PTPRF: variants seen among roughly 807,000 people sequenced by gnomAD.
The protein encoded by PTPRF is protein tyrosine phosphatase receptor type F.
Under a neutral mutation model 201.8 loss-of-function variants are expected in PTPRF, and 59 were observed. That is an observed-to-expected ratio of 0.29 (90% confidence interval 0.24 to 0.36). PTPRF has a LOEUF of 0.36. PTPRF is among the 10% of genes least tolerant of loss of function. The pLI, the probability that PTPRF is intolerant of heterozygous loss-of-function variation, is 1.00. For missense variants in PTPRF, 2,132 were observed against 2,690.5 expected (o/e 0.79, Z 4.59); for synonymous variants, 1,088 against 1,089.7 (o/e 1.00, Z 0.03).
chr1:43,542,887 G>C lies in PTPRF; in HGVS notation c.-45-2144G>C, dbSNP rs984280723. Among the ~76,000 whole-genome samples, 1 of 152,132 alleles carries C rather than the reference G, an allele frequency of 6.6e-6. No individual in the cohort carries two copies. The highest frequency in any genetic ancestry group is 2.4e-5 in the African/African-American group (1 of 41,428). On this transcript the variant is annotated intron_variant, in intron 2 of 33. Transcript: ENST00000359947. This position sits in a 1 kb window ranked among gnomAD's most constrained non-coding sequence, Gnocchi z 5.2. ...CTATATCCCATGATGACGGTGCTGT[G>C]CATTTTATTTTCATAGCAGGGAGAT...
chr1:43,597,749 C>G lies in PTPRF; in HGVS notation c.1815C>G (p.Thr605=), dbSNP rs138765939. Residue 605 remains threonine, a splice_region_variant and synonymous_variant, in exon 12 of 34, where the codon ACC becomes ACG. Transcript: ENST00000359947. ...PTIEARTAQS[T]PSAPPQKVMC... is the part of the protein sequence containing the mutation. Reference sequence around the variant, plus strand: ...TTCCCCCCCATTTGTCTTCCCCAGCCCCCTCCGCCCCTCCCCAGAAGGTGA... The same window carrying G: ...TTCCCCCCCATTTGTCTTCCCCAGCGCCCTCCGCCCCTCCCCAGAAGGTGA... 6.4e-7 allele frequency: 1 copy of G among 1,568,210 alleles called. No individual in the cohort carries two copies. Among genetic ancestry groups the G allele is most frequent in the Non-Finnish European group, 8.7e-7 (1 of 1,152,316 alleles).
At position 43,545,459 on chromosome 1, in the gene PTPRF, T is replaced by C. The variant is rs375783599; in HGVS notation, c.91+293T>C. On this transcript the variant is annotated intron_variant, in intron 3 of 33. Coordinates refer to ENST00000359947, the MANE Select transcript of PTPRF (RefSeq NM_002840.5). ...ATGTGGTCATTGTGTGATGTGCGCG[T>C]GTGTGTGCTGTGTGCACTGTTGCAG... Among the ~76,000 whole-genome samples, 17 of 152,112 alleles carry C rather than the reference T, an allele frequency of 1.1e-4. No homozygotes were observed. In the East Asian group the frequency reaches 1.4e-3, roughly 12 times the overall value.
rs766148161 is a variant in PTPRF, at chr1:43,606,310, C to T, written c.3554C>T (p.Pro1185Leu). Residue 1185 changes from proline (P) to leucine (L), a missense_variant, in exon 20 of 34, where the codon CCA becomes CTA. Pro to Leu is a moderately conservative substitution (Grantham distance 98, BLOSUM62 -3). This residue lies in a region of PTPRF where 818 missense variants were observed against 915.3 expected (regional missense o/e 0.89). Coordinates refer to ENST00000359947, the MANE Select transcript of PTPRF (RefSeq NM_002840.5). ...RRRRQAERLK[P>L]YVAAQLDVLP... Reference sequence around the variant, plus strand: ...CGGCGGCAGGCAGAACGTCTGAAGCCATATGTGGCTGCTCAACTGGATGTG... The same window carrying T: ...CGGCGGCAGGCAGAACGTCTGAAGCTATATGTGGCTGCTCAACTGGATGTG... The T allele has an allele frequency of 6.2e-7, 1 of 1,614,148 alleles. No homozygotes were observed. Among genetic ancestry groups the T allele is most frequent in the Non-Finnish European group, 8.5e-7 (1 of 1,180,032 alleles).
At chr1:43,580,242 G>C (rs1233412125) in intron 7 of PTPRF, among the ~76,000 whole-genome samples, 2 of 152,098 alleles carry the variant, frequency 1.3e-5, no homozygotes, top group East Asian at 3.9e-4. Flanking sequence ...CCGACTCTTT[G>C]GGGCCATGTG....
At chr1:43,529,765 G>A (rs1245811298), upstream of PTPRF, among the ~76,000 whole-genome samples, 1 of 152,164 alleles carries the variant, frequency 6.6e-6, no homozygotes, top group Non-Finnish European at 1.5e-5. Flanking sequence ...AAATCCCTCT[G>A]ATCAGTAGGT....
Position 43,591,067 on chromosome 1 carries a change from T to C in PTPRF, c.1045T>C (p.Tyr349His), listed in dbSNP as rs1292708024. The change falls in exon 9 of 34, where the codon TAC (tyrosine) becomes CAC (histidine). Residue 349 changes from tyrosine (Y) to histidine (H), a missense_variant. By Grantham distance (83) the Tyr-to-His change is moderately conservative. Around this residue, in one of 6 missense-constraint regions of PTPRF, gnomAD observed 351 missense variants for 401.7 expected, o/e 0.87. Coordinates refer to ENST00000359947, the MANE Select transcript of PTPRF (RefSeq NM_002840.5). ...WDSGNSEPVT[Y>H]YGIQYRAAGT... Reference sequence around the variant, plus strand: ...CTCTGGGAACTCGGAGCCTGTAACCTACTATGGCATCCAGTACCGCGCAGC... The same window carrying C: ...CTCTGGGAACTCGGAGCCTGTAACCCACTATGGCATCCAGTACCGCGCAGC... 1.2e-6 allele frequency: 2 copies of C among 1,614,004 alleles called. No homozygotes were observed. The highest frequency in any genetic ancestry group is 1.7e-6 in the Non-Finnish European group (2 of 1,180,036).
chr1:43,569,467 C>G (rs1646422468), intron 5 of PTPRF, 123 bp from the exon 6 acceptor site: 2 of 972,338 alleles, frequency 2.1e-6, no homozygotes, highest in Admixed American at 5.2e-5. Flanking sequence ...GCTTAGAAGT[C>G]AAGGAAAGGG....
chr1:43,549,253 T>A (rs954303024), intron 3 of PTPRF, among the ~76,000 whole-genome samples: 1 of 152,192 alleles, frequency 6.6e-6, no homozygotes, highest in South Asian at 2.1e-4. Flanking sequence ...ACACCAGCTG[T>A]GGGTCAGGCA....
chr1:43,563,401 CAAA>C, intron 5 of PTPRF, among the ~76,000 whole-genome samples: 1 of 152,106 alleles, frequency 6.6e-6, no homozygotes, highest in African/African-American at 2.4e-5. Context: ...AGGGAGGTGT[CAAA>C]GAGGCCTCGT....
At chr1:43,536,144 G>A (rs1643991413) in intron 1 of PTPRF, among the ~76,000 whole-genome samples, 1 of 152,182 alleles carries the variant, frequency 6.6e-6, no homozygotes, top group South Asian at 2.1e-4. Flanking sequence ...CCTTCCAGAT[G>A]TCAGCTCTGG....
At chr1:43,565,499 T>C (rs1399012139) in intron 5 of PTPRF, among the ~76,000 whole-genome samples, 1 of 152,238 alleles carries the variant, frequency 6.6e-6, no homozygotes, top group Non-Finnish European at 1.5e-5. Flanking sequence ...TGCATGCGGG[T>C]AGAATCCGCA....
At chr1:43,587,730 G>T (rs764121074) in intron 7 of PTPRF, among the ~76,000 whole-genome samples, 2 of 152,180 alleles carry the variant, frequency 1.3e-5, no homozygotes, top group Non-Finnish European at 2.9e-5. Context: ...GCCCGTGTAG[G>T]ACACACCCTG....
intron 11 of PTPRF, among the ~76,000 whole-genome samples, chr1:43,592,841 C>T (rs1224138621): frequency 6.6e-6 from 1 of 152,260 alleles, no homozygotes; most frequent in East Asian, 1.9e-4. Flanking sequence ...TGCCCCTCCT[C>T]CCGCCCATGC....
chr1:43,526,103 G>A (rs938127291), upstream of PTPRF, among the ~76,000 whole-genome samples: 7 of 152,106 alleles, frequency 4.6e-5, no homozygotes, highest in East Asian at 1.9e-4. Flanking sequence ...TGGAGGCGCC[G>A]GAGCACCCTG....
chr1:43,538,662 T>G (rs1456999559), intron 2 of PTPRF, among the ~76,000 whole-genome samples: 3 of 152,178 alleles, frequency 2.0e-5, no homozygotes, highest in Non-Finnish European at 2.9e-5. Context: ...TTCCGGGTGA[T>G]GTCCTGGGAC....
chr1:43,575,016 C>T (rs1422456398), intron 6 of PTPRF, among the ~76,000 whole-genome samples: 1 of 152,206 alleles, frequency 6.6e-6, no homozygotes, highest in East Asian at 1.9e-4. Context: ...TCCCAATCCC[C>T]AGACGTGGGC....
chr1:43,609,607 G>C, intron 22 of PTPRF, 109 bp downstream of exon 22: 1 of 734,104 alleles, frequency 1.4e-6, no homozygotes. Context: ...GCATGCACTT[G>C]TTCCTGCTCC....
At chr1:43,613,113 C>A (rs1453393564) in intron 22 of PTPRF, 3 of 338,812 alleles carry the variant, frequency 8.9e-6, no homozygotes, top group Non-Finnish European at 1.7e-5. Context: ...CTGTCTCACA[C>A]CCCCCTCCTG....
intron 5 of PTPRF, among the ~76,000 whole-genome samples, chr1:43,560,830 C>T (rs1174945411): frequency 1.3e-5 from 2 of 152,174 alleles, no homozygotes; most frequent in African/African-American, 2.4e-5. Context: ...ACCCTTTCCT[C>T]TCCCTCCCCT....
Sources: allele counts gnomAD v4.1 joint callset (sites outside exome capture counted in the v4.1 genomes callset), GRCh38; gene constraint gnomAD v4.1.1; regional missense constraint gnomAD v4.1.1; non-coding constraint Gnocchi (gnomAD v3.1); transcripts MANE v1.5; gene names NCBI Gene and HGNC (gene_info 2026-07-23, HGNC 2026-07-21).